The following HMGCLL1 variants were observed in gnomAD, a reference collection of about 807,000 sequenced individuals.
HMGCLL1 encodes 3-hydroxymethyl-3-methylglutaryl-CoA lyase, cytoplasmic.
HMGCLL1 carries 36 observed loss-of-function variants against 39.1 expected under a neutral mutation model. The ratio of observed to expected loss-of-function variants is 0.92; its 90% CI spans 0.71 to 1.22. The LOEUF is 1.22. Among genes scored for constraint, HMGCLL1 ranks in the 50% most tolerant of loss-of-function variants. The pLI, the probability that HMGCLL1 is intolerant of heterozygous loss-of-function variation, is 0.00. For synonymous variants in HMGCLL1, 149 were observed against 144.0 expected (o/e 1.03, Z -0.25); for missense variants, 451 against 416.5 (o/e 1.08, Z -0.72).
chr6:55,662,142 G>A, the HMGCLL1 span, among the ~76,000 whole-genome samples: 197 of 151,792 alleles, frequency 1.3e-3, 1 homozygote, highest in Non-Finnish European at 1.4e-3. Context: ...AACAGGGATA[G>A]TTTGGCTTCC....
At chr6:55,547,587 T>G (rs919219516) in intron 1 of HMGCLL1, among the ~76,000 whole-genome samples, 1 of 151,730 alleles carries the variant, frequency 6.6e-6, no homozygotes, top group African/African-American at 2.4e-5. Context: ...ATATTCTGTT[T>G]CATAGCCAGT....
At chr6:55,602,664 A>G in the HMGCLL1 span, among the ~76,000 whole-genome samples, 1 of 151,942 alleles carries the variant, frequency 6.6e-6, no homozygotes, top group African/African-American at 2.4e-5. Flanking sequence ...AACAAATAAG[A>G]TGTAAAAAAT....
chr6:55,505,921 A>G (rs1561923665), intron 5 of HMGCLL1, among the ~76,000 whole-genome samples: 2 of 151,780 alleles, frequency 1.3e-5, no homozygotes, highest in African/African-American at 4.8e-5. Context: ...ATTTAAACAT[A>G]TGTGGGGCTA....
intron 1 of HMGCLL1, among the ~76,000 whole-genome samples, chr6:55,548,448 G>T (rs1038831129): frequency 7.9e-5 from 12 of 151,974 alleles, no homozygotes; most frequent in African/African-American, 1.2e-4. Flanking sequence ...TCAATCAAGA[G>T]TAGTTACAAA....
intron 5 of HMGCLL1, among the ~76,000 whole-genome samples, chr6:55,511,296 G>A (rs547561801): frequency 1.3e-5 from 2 of 152,144 alleles, no homozygotes; most frequent in East Asian, 3.9e-4. Context: ...TGCTGACTCT[G>A]CATTTTGTCA....
At chr6:55,660,048 T>TCCTTCA in the HMGCLL1 span, among the ~76,000 whole-genome samples, 1 of 151,794 alleles carries the variant, frequency 6.6e-6, no homozygotes, top group Non-Finnish European at 1.5e-5. Context: ...GCTTTTATCC[T>TCCTTCA]GGCTAGATTG....
At chr6:55,674,532 TA>T in the HMGCLL1 span, among the ~76,000 whole-genome samples, 1 of 152,094 alleles carries the variant, frequency 6.6e-6, no homozygotes, top group East Asian at 1.9e-4. Flanking sequence ...AAGCAATCAG[TA>T]AATTTACCTT....
the HMGCLL1 span, among the ~76,000 whole-genome samples, chr6:55,654,722 T>A: frequency 6.6e-6 from 1 of 152,080 alleles, no homozygotes; most frequent in Non-Finnish European, 1.5e-5. Context: ...TCTGAAATAT[T>A]ATATTGAAAC....
chr6:55,615,470 G>A, the HMGCLL1 span, among the ~76,000 whole-genome samples: 5 of 152,134 alleles, frequency 3.3e-5, no homozygotes, highest in African/African-American at 9.7e-5. Context: ...GAGTGTAAAG[G>A]GAAAGGCTTG....
intron 7 of HMGCLL1, among the ~76,000 whole-genome samples, chr6:55,461,970 G>A (rs2127396506): frequency 6.6e-6 from 1 of 152,090 alleles, no homozygotes; most frequent in Middle Eastern, 3.4e-3. Flanking sequence ...ATGGCAGTAG[G>A]GTCATATGAT....
the HMGCLL1 span, among the ~76,000 whole-genome samples, chr6:55,671,235 G>T: frequency 1.3e-5 from 2 of 151,766 alleles, no homozygotes; most frequent in Non-Finnish European, 2.9e-5. Flanking sequence ...TGTTTCAATT[G>T]TGTTGAGTTT....
At chr6:55,620,654 G>C in the HMGCLL1 span, among the ~76,000 whole-genome samples, 19 of 149,444 alleles carry the variant, frequency 1.3e-4, no homozygotes, top group African/African-American at 3.4e-4. Context: ...CAGACACACA[G>C]ACACACACAC....
At chr6:55,475,811 A>T (rs1765258972) in intron 7 of HMGCLL1, among the ~76,000 whole-genome samples, 1 of 151,590 alleles carries the variant, frequency 6.6e-6, no homozygotes, top group Admixed American at 6.6e-5. Flanking sequence ...TTCTGTATGA[A>T]TATCCAATTG....
At chr6:55,560,853 A>T (rs1053479642) in intron 1 of HMGCLL1, among the ~76,000 whole-genome samples, 4 of 152,146 alleles carry the variant, frequency 2.6e-5, no homozygotes, top group Non-Finnish European at 5.9e-5. Context: ...AAAGAAAAAA[A>T]TTTGCACACT....
chr6:55,542,745 C>T (rs1019573498), intron 1 of HMGCLL1, among the ~76,000 whole-genome samples: 2 of 148,692 alleles, frequency 1.3e-5, no homozygotes, highest in South Asian at 2.1e-4. Flanking sequence ...TGCCATTGCA[C>T]TCCAGCCTTG....
At chr6:55,500,860 T>C (rs978085829) in intron 5 of HMGCLL1, among the ~76,000 whole-genome samples, 5 of 151,994 alleles carry the variant, frequency 3.3e-5, no homozygotes, top group African/African-American at 1.2e-4. Context: ...TATAAATACA[T>C]TGATTTTTGA....
At chr6:55,660,752 A>G in the HMGCLL1 span, among the ~76,000 whole-genome samples, 1 of 151,582 alleles carries the variant, frequency 6.6e-6, no homozygotes, top group South Asian at 2.1e-4. Context: ...ATTGGGCAGG[A>G]AAATTTTAAA....
chr6:55,539,274 A>T (rs536038688), intron 3 of HMGCLL1, among the ~76,000 whole-genome samples: 11 of 152,294 alleles, frequency 7.2e-5, no homozygotes, highest in African/African-American at 2.4e-4. Flanking sequence ...CCATTAAAGA[A>T]CTTAGAATGT....
Position 55,434,860 on chromosome 6 carries a change from A to G in HMGCLL1, c.*802T>C, listed in dbSNP as rs1223966130. 1 of 152,108 alleles carries G rather than the reference A, an allele frequency of 6.6e-6. No individual in the cohort carries two copies. The highest frequency in any genetic ancestry group is 1.5e-5 in the Non-Finnish European group (1 of 68,000). The allele number at this position is 152,108 out of a possible 1,614,324, so 9.4% of individuals were successfully genotyped here. ...AAAGTGATCTGAAAATTATAAAGGTAGATTATGATACATGTATCAACCTAT... is the reference window on the plus strand; with the variant it reads ...AAAGTGATCTGAAAATTATAAAGGTGGATTATGATACATGTATCAACCTAT... On this transcript the variant is annotated 3_prime_UTR_variant, in exon 9 of 9. Transcript: ENST00000274901.
Sources: allele counts gnomAD v4.1 joint callset (sites outside exome capture counted in the v4.1 genomes callset), GRCh38; gene constraint gnomAD v4.1.1; transcripts MANE v1.5; gene names NCBI Gene and HGNC (gene_info 2026-07-23, HGNC 2026-07-21).